Variants in FAAH2 observed in about 807,000 individuals in gnomAD.
FAAH2 encodes fatty-acid amide hydrolase 2.
FAAH2 carries 60 observed loss-of-function variants against 36.9 expected under a neutral mutation model. The observed-to-expected ratio is 1.63, with a 90% CI of 1.32 to 2.02. The LOEUF (loss-of-function observed/expected upper bound fraction) is 2.02. Ranked by LOEUF, FAAH2 falls within the 30% of genes most tolerant of loss-of-function variation. The pLI is 0.00. For synonymous variants in FAAH2, 214 were observed against 143.8 expected (o/e 1.49, Z -3.49); for missense variants, 689 against 397.5 (o/e 1.73, Z -6.23).
chrX:57,302,280 A>G (rs774269624), intron 2 of FAAH2, among the ~76,000 whole-genome samples: 2 of 111,890 alleles, frequency 1.8e-5, no homozygotes, highest in African/African-American at 6.5e-5. Flanking sequence ...TCTTTGTTTT[A>G]TCCTTTCTAA....
intron 10 of FAAH2, among the ~76,000 whole-genome samples, chrX:57,459,901 A>G (rs1490082856): frequency 8.9e-6 from 1 of 111,961 alleles, no homozygotes; most frequent in African/African-American, 3.2e-5. Context: ...AAACAGCACA[A>G]CAATGCTGAA....
At chrX:57,159,644 G>T in the FAAH2 span, among the ~76,000 whole-genome samples, 4 of 111,620 alleles carry the variant, frequency 3.6e-5, no homozygotes, top group Non-Finnish European at 5.6e-5. Context: ...CTGTTTGTCT[G>T]TTGTTGGTGT....
intron 7 of FAAH2, among the ~76,000 whole-genome samples, chrX:57,412,732 T>C (rs1179736700): frequency 8.9e-6 from 1 of 112,008 alleles, no homozygotes; most frequent in Non-Finnish European, 1.9e-5. Context: ...CCTTTGGGTA[T>C]ATACCCAGTA....
chrX:57,234,556 T>A, the FAAH2 span, among the ~76,000 whole-genome samples: 1 of 111,880 alleles, frequency 8.9e-6, no homozygotes, highest in Non-Finnish European at 1.9e-5. Flanking sequence ...CTTCTTTTCC[T>A]GCAACTGGAC....
At chrX:57,244,475 A>G in the FAAH2 span, among the ~76,000 whole-genome samples, 1 of 111,618 alleles carries the variant, frequency 9.0e-6, no homozygotes, top group African/African-American at 3.3e-5. Context: ...TGAAGGAAAA[A>G]ATTATCAGGT....
At chrX:57,409,211 G>A (rs982043998) in intron 7 of FAAH2, among the ~76,000 whole-genome samples, 11 of 111,515 alleles carry the variant, frequency 9.9e-5, no homozygotes, top group African/African-American at 3.6e-4. Context: ...ATCATATGCA[G>A]CACATTGTTG....
intron 5 of FAAH2, among the ~76,000 whole-genome samples, chrX:57,358,154 T>A (rs1265403210): frequency 9.3e-6 from 1 of 107,891 alleles, no homozygotes; most frequent in Non-Finnish European, 1.9e-5. Context: ...TAGTTTGAGA[T>A]CTTTTTTTTT....
chrX:57,476,731 C>T (rs2057276748), intron 10 of FAAH2, among the ~76,000 whole-genome samples: 1 of 111,127 alleles, frequency 9.0e-6, no homozygotes, highest in Admixed American at 9.6e-5. Context: ...CCTTCTTATT[C>T]TATTGTTTGG....
chrX:57,303,368 T>A (rs187810491), intron 2 of FAAH2, among the ~76,000 whole-genome samples: 13 of 111,852 alleles, frequency 1.2e-4, no homozygotes, highest in African/African-American at 3.9e-4. Flanking sequence ...TTCCCTAAGC[T>A]CTATGGTTTG....
chrX:57,306,994 GATACAT>G (rs1480926164), intron 2 of FAAH2, among the ~76,000 whole-genome samples: 405 of 31,013 alleles, frequency 0.013, 63 homozygotes, highest in African/African-American at 0.027. Flanking sequence ...CACACACACA[GATACAT>G]ATATATATAT....
At chrX:57,437,810 T>C (rs1292240494) in intron 8 of FAAH2, among the ~76,000 whole-genome samples, 5 of 102,847 alleles carry the variant, frequency 4.9e-5, no homozygotes, top group Non-Finnish European at 9.8e-5. Flanking sequence ...TAATCAGATT[T>C]ATATTTTTAA....
the FAAH2 span, among the ~76,000 whole-genome samples, chrX:57,134,256 C>T: frequency 1.8e-5 from 2 of 111,723 alleles, no homozygotes; most frequent in Non-Finnish European, 3.8e-5. Context: ...TATACCAAGT[C>T]AAAACCCCCA....
the FAAH2 span, among the ~76,000 whole-genome samples, chrX:57,151,979 C>G: frequency 8.9e-6 from 1 of 112,013 alleles, no homozygotes; most frequent in South Asian, 3.7e-4. Flanking sequence ...TTCTAACAGA[C>G]AGGACCCTGA....
chrX:57,351,400 A>T (rs2053995824), intron 5 of FAAH2, among the ~76,000 whole-genome samples: 1 of 111,549 alleles, frequency 9.0e-6, no homozygotes, highest in African/African-American at 3.2e-5. Context: ...AAGATTACAA[A>T]GTAACAATTT....
At chrX:57,130,011 A>G in the FAAH2 span, among the ~76,000 whole-genome samples, 8 of 112,657 alleles carry the variant, frequency 7.1e-5, no homozygotes, top group South Asian at 3.6e-4. Context: ...CAAGAAAACA[A>G]GAGTGATTTA....
the FAAH2 span, among the ~76,000 whole-genome samples, chrX:57,222,175 C>A: frequency 6.3e-5 from 7 of 111,417 alleles, no homozygotes; most frequent in South Asian, 1.9e-3. Context: ...AAAAATCTCT[C>A]TTTTCTAGGA....
At chrX:57,243,104 G>T in the FAAH2 span, among the ~76,000 whole-genome samples, 65 of 111,492 alleles carry the variant, frequency 5.8e-4, 1 homozygote, top group East Asian at 0.014. Flanking sequence ...TGAGTAGGCG[G>T]TTTTCCAATC....
chrX:57,295,754 A>AG (rs1407317248), intron 2 of FAAH2, among the ~76,000 whole-genome samples: 1 of 112,035 alleles, frequency 8.9e-6, no homozygotes, highest in East Asian at 2.8e-4. Context: ...GGTCACTCCC[A>AG]CCCTAATACT....
chrX:57,394,760 T>A, intron 7 of FAAH2: 2 of 913,649 alleles, frequency 2.2e-6, no homozygotes, highest in Non-Finnish European at 1.6e-6. Context: ...TTTAACCATT[T>A]CAGGCCGACC....
Sources: gnomAD v4.1 joint callset for allele counts (sites outside exome capture counted in the v4.1 genomes callset) on GRCh38, gnomAD v4.1.1 for gene constraint, MANE v1.5 for transcripts, NCBI Gene and HGNC (gene_info 2026-07-23, HGNC 2026-07-21) for gene names.